Variants in RNF145 observed in about 807,000 individuals in gnomAD.
RNF145 encodes the protein ring finger protein 145.
Under a neutral mutation model 57.3 loss-of-function variants are expected in RNF145, and 12 were observed. That is an observed-to-expected ratio of 0.21 (90% CI 0.13 to 0.34). RNF145 has a LOEUF of 0.34. RNF145 is among the 10% of genes least tolerant of loss of function. The pLI, the probability that RNF145 is intolerant of heterozygous loss-of-function variation, is 1.00. For missense variants in RNF145, 429 were observed against 799.0 expected, an observed-to-expected ratio of 0.54 and a Z score of 5.58; for synonymous variants, 262 against 288.3, an observed-to-expected ratio of 0.91 and a Z score of 0.92.
At chr5:159,202,565 C>G (rs1340730375) in intron 2 of RNF145, among the ~76,000 whole-genome samples, 1 of 151,890 alleles carries the variant, frequency 6.6e-6, no homozygotes, top group Admixed American at 6.6e-5. Context: ...GTTTTAGAAC[C>G]CAGAAAGTGA....
At chr5:159,198,447 ATTGTAACAGTAGCT>A (rs1191821655) in intron 2 of RNF145, among the ~76,000 whole-genome samples, 1 of 152,170 alleles carries the variant, frequency 6.6e-6, no homozygotes, top group Non-Finnish European at 1.5e-5. Context: ...GAGAGCCTGG[ATTGTAACAGTAGCT>A]TTGGGTATGG....
At chr5:159,205,451 A>T (rs1785843621) in intron 1 of RNF145, among the ~76,000 whole-genome samples, 1 of 152,230 alleles carries the variant, frequency 6.6e-6, no homozygotes, top group African/African-American at 2.4e-5. Flanking sequence ...AGGAAAAAAT[A>T]CACCAAAACA....
rs183968012 is a variant in RNF145, at chr5:159,201,434, A to G, written c.184+2000T>C. On this transcript the variant is annotated intron_variant, in intron 2 of 10. Transcript: ENST00000424310. The stretch of plus-strand genomic sequence containing the variant: ...CAAAATAGCAGAAGGTAGGCTATCT[A>G]AAATGTCCACCAATGGAGTAATTAG... 2.0e-4 allele frequency among the ~76,000 whole-genome samples: 31 copies of G among 152,354 alleles called. No homozygotes were observed. The East Asian group carries it at 5.6e-3, about 27-fold the overall frequency.
intron 2 of RNF145, among the ~76,000 whole-genome samples, chr5:159,198,309 G>A (rs1785532011): frequency 6.6e-6 from 1 of 151,942 alleles, no homozygotes; most frequent in Admixed American, 6.6e-5. Flanking sequence ...AACAGACTCT[G>A]AGAACAGAAA....
intron 2 of RNF145, among the ~76,000 whole-genome samples, chr5:159,202,554 AGTTTTAG>A (rs200306320): frequency 0.011 from 1,640 of 152,270 alleles, 29 homozygotes; most frequent in African/African-American, 0.038. Context: ...CTCAGGGCTA[AGTTTTAG>A]AACCCAGAAA....
rs183956587 is a variant in RNF145 at position 159,165,263 on chromosome 5, C to T, written c.1122-2184G>A. Reference sequence around the variant, plus strand: ...TATATACCATGTTCTCGCCCCTCTGCCCCACGAAACCACTATCTTGAATCC... The same window carrying T: ...TATATACCATGTTCTCGCCCCTCTGTCCCACGAAACCACTATCTTGAATCC... On this transcript the variant is annotated intron_variant, in intron 8 of 10. Coordinates refer to ENST00000424310, the MANE Select transcript of RNF145 (RefSeq NM_001199383.2). Among the ~76,000 whole-genome samples, 232 of 152,332 alleles carry T rather than the reference C, an allele frequency of 1.5e-3. 1 individual carries two copies. Among genetic ancestry groups the T allele is most frequent in the African/African-American group, 5.2e-3 (217 of 41,570 alleles).
intron 3 of RNF145, among the ~76,000 whole-genome samples, chr5:159,187,269 C>CA (rs1487611071): frequency 1.3e-5 from 2 of 151,406 alleles, no homozygotes; most frequent in African/African-American, 4.9e-5. Flanking sequence ...GCAACAAGAG[C>CA]AAAACTCCAT....
At chr5:159,174,573 C>A (rs527341700) in intron 5 of RNF145, among the ~76,000 whole-genome samples, 11 of 152,030 alleles carry the variant, frequency 7.2e-5, no homozygotes, top group Non-Finnish European at 1.6e-4. Context: ...TAAAAACTTT[C>A]AGGGTTTATT....
At position 159,174,161 on chromosome 5, in the gene RNF145, A is replaced by G; in HGVS notation, c.622-3T>C. On this transcript the variant is annotated splice_polypyrimidine_tract_variant and splice_region_variant and intron_variant, in intron 5 of 10. Transcript: ENST00000424310. ...AGAAGGCCATATACCTCCACTACCT[A>G]AATAAAAACGTAAGATAGGAAAACT... 1.9e-6 allele frequency: 3 copies of G among 1,587,996 alleles called. No individual in the cohort carries two copies. The highest frequency in any genetic ancestry group is 1.4e-5 in the African/African-American group (1 of 73,594).
intron 8 of RNF145, among the ~76,000 whole-genome samples, chr5:159,164,148 G>C (rs375455131): frequency 1.3e-5 from 2 of 152,130 alleles, no homozygotes; most frequent in South Asian, 2.1e-4. Context: ...ATTATAATCA[G>C]TAATTCAGAG....
chr5:159,174,169 A>C lies in RNF145; in HGVS notation c.622-11T>G, dbSNP rs2113129014. On this transcript the variant is annotated splice_polypyrimidine_tract_variant and intron_variant, in intron 5 of 10. Transcript: ENST00000424310. Reference sequence around the variant, plus strand: ...ATATACCTCCACTACCTAAATAAAAACGTAAGATAGGAAAACTTCTTGCAT... The same window carrying C: ...ATATACCTCCACTACCTAAATAAAACCGTAAGATAGGAAAACTTCTTGCAT... 6.3e-7 allele frequency: 1 copy of C among 1,578,118 alleles called. No homozygotes were observed. The highest frequency in any genetic ancestry group is 8.6e-7 in the Non-Finnish European group (1 of 1,163,216).
chr5:159,165,276 C>T (rs1784355331), intron 8 of RNF145, among the ~76,000 whole-genome samples: 1 of 152,230 alleles, frequency 6.6e-6, no homozygotes, highest in Non-Finnish European at 1.5e-5. Context: ...CACGAAACCA[C>T]TATCTTGAAT....
intron 6 of RNF145, 45 bp downstream of exon 6, chr5:159,173,938 C>G: frequency 7.7e-7 from 1 of 1,306,358 alleles, no homozygotes; most frequent in Non-Finnish European, 1.0e-6. Flanking sequence ...TCAAAGTTTT[C>G]TCTTTCTAAG....
chr5:159,163,231 A>T (rs894474165), intron 8 of RNF145, 152 bp from the exon 9 acceptor site: 226 of 673,118 alleles, frequency 3.4e-4, no homozygotes, highest in Non-Finnish European at 6.9e-5. Context: ...TAGAGTTCAG[A>T]CCAAGTCACA....
chr5:159,171,770 C>T (rs998196353), intron 6 of RNF145, among the ~76,000 whole-genome samples: 5 of 151,964 alleles, frequency 3.3e-5, no homozygotes, highest in Non-Finnish European at 5.9e-5. Flanking sequence ...GGCAAAGAAA[C>T]ATAAACATTA....
chr5:159,207,930 G>A (rs754332516), intron 1 of RNF145: 7 of 1,609,088 alleles, frequency 4.4e-6, no homozygotes, highest in South Asian at 1.1e-5. Context: ...CTGCAGCACC[G>A]ACAGCTCATT....
At chr5:159,181,876 A>C (rs1784906639) in intron 4 of RNF145, 84 bp downstream of exon 4, 2 of 785,392 alleles carry the variant, frequency 2.5e-6, no homozygotes, top group Non-Finnish European at 4.3e-6. Context: ...TTCCGTTTTA[A>C]AAAAAAATGA....
At chr5:159,172,884 C>T (rs988088104) in intron 6 of RNF145, among the ~76,000 whole-genome samples, 3 of 152,134 alleles carry the variant, frequency 2.0e-5, no homozygotes, top group African/African-American at 4.8e-5. Context: ...TGTTATCTAC[C>T]TATATTTACT....
chr5:159,176,123 T>C (rs2113136137), intron 5 of RNF145, among the ~76,000 whole-genome samples: 1 of 152,290 alleles, frequency 6.6e-6, no homozygotes, highest in Admixed American at 6.5e-5. Flanking sequence ...TTAACTTTTC[T>C]GTTTAAATTA....
Sources: allele counts gnomAD v4.1 joint callset (sites outside exome capture counted in the v4.1 genomes callset), GRCh38; gene constraint gnomAD v4.1.1; transcripts MANE v1.5; gene names NCBI Gene and HGNC (gene_info 2026-07-23, HGNC 2026-07-21).